FOCAD: variants seen among roughly 807,000 people sequenced by gnomAD.
FOCAD encodes the protein KIAA1797.
A neutral mutation model predicts 225.6 loss-of-function variants in FOCAD; 198 were observed. The observed-to-expected ratio is 0.88, with a 90% CI of 0.78 to 0.99. The LOEUF is 0.99. FOCAD is among the 50% of genes least tolerant of loss of function. The pLI is 0.00. For missense variants in FOCAD, 2,713 were observed against 2,123.6 expected (o/e 1.28, Z -5.46); for synonymous variants, 897 against 755.0 (o/e 1.19, Z -3.08).
At chr9:20,665,425 C>A (rs886889149) in intron 2 of FOCAD, among the ~76,000 whole-genome samples, 4 of 152,142 alleles carry the variant, frequency 2.6e-5, no homozygotes, top group African/African-American at 7.2e-5. Context: ...TCAGCTAATT[C>A]ATCTCTTTAT....
At chr9:20,909,595 T>C (rs1263413063) in intron 22 of FOCAD, among the ~76,000 whole-genome samples, 1 of 152,092 alleles carries the variant, frequency 6.6e-6, no homozygotes, top group Non-Finnish European at 1.5e-5. Context: ...CCCTTTACTT[T>C]GTATTTCTAG....
chr9:20,756,917 T>G (rs1178898586), intron 5 of FOCAD, among the ~76,000 whole-genome samples: 1 of 152,244 alleles, frequency 6.6e-6, no homozygotes, highest in Non-Finnish European at 1.5e-5. Context: ...TTTGCATGTT[T>G]TTACAATGAG....
chr9:20,972,707 C>T (rs959417418), intron 35 of FOCAD, among the ~76,000 whole-genome samples: 11 of 152,048 alleles, frequency 7.2e-5, no homozygotes, highest in Admixed American at 3.3e-4. Context: ...TTTTCAACTT[C>T]TGTTAATTCT....
chr9:20,862,470 C>A, intron 15 of FOCAD, 108 bp from the exon 16 acceptor site: 1 of 1,261,580 alleles, frequency 7.9e-7, no homozygotes, highest in Non-Finnish European at 1.1e-6. Flanking sequence ...TAGGCATAGT[C>A]TTATTTGTTT....
intron 10 of FOCAD, among the ~76,000 whole-genome samples, chr9:20,783,834 G>A (rs550754630): frequency 2.2e-4 from 34 of 152,166 alleles, no homozygotes; most frequent in Non-Finnish European, 4.4e-4. Flanking sequence ...AAGAGAGAAT[G>A]CATTCAGTAT....
chr9:20,958,404 A>G (rs1377315426), intron 35 of FOCAD, among the ~76,000 whole-genome samples: 3 of 147,908 alleles, frequency 2.0e-5, no homozygotes, highest in Non-Finnish European at 4.6e-5. Flanking sequence ...AATTTTTAAA[A>G]AAAATTTTTA....
At chr9:20,712,486 C>A (rs1360062403) in intron 1 of FOCAD, among the ~76,000 whole-genome samples, 1 of 150,822 alleles carries the variant, frequency 6.6e-6, no homozygotes, top group Admixed American at 6.6e-5. Flanking sequence ...ATGGTGAAAC[C>A]TGTCTCTACT....
chr9:20,841,670 G>T (rs1377159845), intron 15 of FOCAD, among the ~76,000 whole-genome samples: 3 of 151,546 alleles, frequency 2.0e-5, no homozygotes, highest in African/African-American at 7.3e-5. Context: ...TCTGGCTAAA[G>T]ATTTGTCAGT....
At chr9:20,849,350 C>T (rs2131610977) in intron 15 of FOCAD, among the ~76,000 whole-genome samples, 1 of 151,798 alleles carries the variant, frequency 6.6e-6, no homozygotes, top group Middle Eastern at 3.4e-3. Context: ...TTTCCCCCAA[C>T]AGTTACTGTC....
chr9:20,929,290 C>CT, intron 26 of FOCAD, 68 bp from the exon 27 acceptor site: 1 of 1,247,960 alleles, frequency 8.0e-7, no homozygotes. Flanking sequence ...TTGTATAGTG[C>CT]TTTTATGATA....
chr9:20,874,774 C>G lies in FOCAD; in HGVS notation c.2284C>G (p.Leu762Val). The change falls in exon 19 of 44, where the codon CTG becomes GTG. Residue 762 changes from leucine to valine, a missense_variant. Leu to Val is a conservative substitution (Grantham distance 32). Coordinates refer to ENST00000338382, the MANE Select transcript of FOCAD (RefSeq NM_001375567.1). ...AGTTCCTGGCTCTTGCTATCTCAAACTGTTGTCACTCACTCCCCCTTTGGT... is the reference window on the plus strand; with the variant it reads ...AGTTCCTGGCTCTTGCTATCTCAAAGTGTTGTCACTCACTCCCCCTTTGGT... ...LSVPGSCYLK[L>V]LSLTPPLVLP... 6.2e-7 allele frequency: 1 copy of G among 1,613,686 alleles called. No homozygotes were observed. The highest frequency in any genetic ancestry group is 8.5e-7 in the Non-Finnish European group (1 of 1,179,720).
rs960628467 is a variant in FOCAD, at chr9:20,668,825, C to T, written c.-78+9999C>T. On this transcript the variant is annotated intron_variant, in intron 2 of 45. Coordinates refer to the FOCAD transcript ENST00000380249. ...AGCTCAAAAGTAACAACATTCTGGA[C>T]GGAAACAAAATGCATAGCATAAGGA... is the stretch of plus-strand genomic sequence containing the variant. 3.2e-4 allele frequency among the ~76,000 whole-genome samples: 49 copies of T among 152,254 alleles called. 1 individual carries two copies. The highest frequency in any genetic ancestry group is 9.6e-4 in the East Asian group (5 of 5,184).
intron 15 of FOCAD, among the ~76,000 whole-genome samples, chr9:20,831,524 A>T (rs1825491302): frequency 6.6e-6 from 1 of 152,114 alleles, no homozygotes. Context: ...CATGGTGTTA[A>T]GTACACTAAA....
chr9:20,656,881 T>C (rs1821497500), upstream of FOCAD, among the ~76,000 whole-genome samples: 1 of 152,100 alleles, frequency 6.6e-6, no homozygotes, highest in African/African-American at 2.4e-5. Flanking sequence ...CTTGATGGTC[T>C]TTATATTTTG....
intron 39 of FOCAD, 76 bp from the exon 40 acceptor site, chr9:20,986,212 G>T: frequency 7.6e-7 from 1 of 1,309,282 alleles, no homozygotes; most frequent in Non-Finnish European, 9.9e-7. Context: ...TTTTTGTTTT[G>T]CCCTTGCCCT....
chr9:20,889,801 G>A (rs991485209), intron 21 of FOCAD, among the ~76,000 whole-genome samples: 3 of 152,158 alleles, frequency 2.0e-5, no homozygotes, highest in Non-Finnish European at 4.4e-5. Flanking sequence ...AATGGTAAAT[G>A]CATTGAATTT....
intron 11 of FOCAD, among the ~76,000 whole-genome samples, chr9:20,813,438 C>T (rs950311838): frequency 2.0e-5 from 3 of 152,076 alleles, no homozygotes; most frequent in African/African-American, 7.2e-5. Context: ...CATGCTGTTA[C>T]CCATAGTGGC....
In FOCAD at chr9:20,990,154, C is replaced by A. The variant is rs972855188; in HGVS notation, c.5036C>A (p.Thr1679Asn). 2 of 1,614,218 alleles carry A rather than the reference C, an allele frequency of 1.2e-6. No homozygotes were observed. The highest frequency in any genetic ancestry group is 1.7e-6 in the Non-Finnish European group (2 of 1,180,034). The change falls in exon 42 of 44, where the codon ACC (threonine) becomes AAC (asparagine). Residue 1679 changes from threonine (T) to asparagine (N), a missense_variant. Transcript: ENST00000338382. ...GACTTCTTCTTGCTGATATTTGCAA[C>A]CGCAGTGGTTGCATGGGCTGACCAC... ...ALDFFLLIFATAVVAWADHTA... is the reference protein window; with the variant it reads ...ALDFFLLIFANAVVAWADHTA...
chr9:20,732,020 C>G (rs189498281), intron 4 of FOCAD, among the ~76,000 whole-genome samples: 1 of 152,184 alleles, frequency 6.6e-6, no homozygotes, highest in Admixed American at 6.5e-5. Flanking sequence ...TAAACATGTG[C>G]CGTGGTGGTT....
Sources: gnomAD v4.1 joint callset for allele counts (sites outside exome capture counted in the v4.1 genomes callset) on GRCh38, gnomAD v4.1.1 for gene constraint, MANE v1.5 for transcripts, NCBI Gene and HGNC (gene_info 2026-07-23, HGNC 2026-07-21) for gene names.